CHEK2: variants seen among roughly 807,000 people sequenced by gnomAD.
The protein encoded by CHEK2 is serine/threonine-protein kinase Chk2.
In CHEK2, 71 loss-of-function variants were observed where a neutral mutation model predicts 69.1. The observed-to-expected ratio is 1.03, with a 90% CI of 0.85 to 1.25. The LOEUF (loss-of-function observed/expected upper bound fraction) is 1.25, where lower values mean the gene tolerates loss of function less well. Among genes scored for constraint, CHEK2 ranks in the 50% most tolerant of loss-of-function variants. The probability of loss-of-function intolerance (pLI) is 0.00; values close to 1 mark genes in which losing one functional copy is unlikely to be tolerated. For synonymous variants in CHEK2, 189 were observed against 226.9 expected (o/e 0.83, Z 1.50); for missense variants, 664 against 649.6 (o/e 1.02, Z -0.24).
chr22:28,725,080 G>C lies in CHEK2; in HGVS notation c.489C>G (p.His163Gln), dbSNP rs764907556. 6.2e-7 allele frequency: 1 copy of C among 1,614,038 alleles called. No homozygotes were observed. Among genetic ancestry groups the C allele is most frequent in the Non-Finnish European group, 8.5e-7 (1 of 1,179,972 alleles). ...TATTTACAAAGGTTCCATTGCCACTGTGATCTTCTATGTATGCAATGTAAG... is the reference window on the plus strand; with the variant it reads ...TATTTACAAAGGTTCCATTGCCACTCTGATCTTCTATGTATGCAATGTAAG... ...KNSYIAYIED[H>Q]SGNGTFVNTE... The change falls in exon 4 of 15, where the codon CAC (histidine) becomes CAG (glutamine). Residue 163 changes from histidine to glutamine, a missense_variant. Physicochemically the swap from His to Gln is conservative, Grantham distance 24. Transcript: ENST00000404276.
At chr22:28,704,117 GACAGACACAC>G (rs902925901) in intron 7 of CHEK2, among the ~76,000 whole-genome samples, 12 of 90,898 alleles carry the variant, frequency 1.3e-4, no homozygotes, top group South Asian at 4.5e-4. Flanking sequence ...GAGAGAGACA[GACAGACACAC>G]ACACACACAC....
rs766794072 is a variant in CHEK2 at position 28,699,890 on chromosome 22, A to G, written c.956T>C (p.Leu319Pro). ...LFDKVVGNKR[L>P]KEATCKLYFY... ...ATAGAGCTTGCAGGTAGCTTCTTTC[A>G]GGCGTTTATTCCCCACCACTTTGTC... is the stretch of plus-strand genomic sequence containing the variant. The change falls in exon 9 of 15, where the codon CTG becomes CCG. Residue 319 changes from leucine to proline, a missense_variant. Physicochemically the swap from Leu to Pro is moderately conservative, Grantham distance 98. Transcript: ENST00000404276. The G allele has an allele frequency of 6.2e-7, 1 of 1,614,122 alleles. No homozygotes were observed. Among genetic ancestry groups the G allele is most frequent in the South Asian group, 1.1e-5 (1 of 91,086 alleles).
rs766956065 is a variant in CHEK2, at chr22:28,703,467, G to A, written c.908+38C>T. 8 of 1,084,604 alleles carry A rather than the reference G, an allele frequency of 7.4e-6. No homozygotes were observed. The East Asian group carries it at 2.0e-4, about 27-fold the overall frequency. The allele number at this position is 1,084,604 out of a possible 1,614,324, so 67.2% of individuals were successfully genotyped here. On this transcript the variant is annotated intron_variant, in intron 8 of 14. Transcript: ENST00000404276. ...TCTTTGGTGGCTTTATAAAGCATTTGAATGGAAACAGAAATTTTTAAAAAG... is the reference window on the plus strand; with the variant it reads ...TCTTTGGTGGCTTTATAAAGCATTTAAATGGAAACAGAAATTTTTAAAAAG...
In CHEK2 at chr22:28,689,007, T is replaced by G. The variant is rs1277129790; in HGVS notation, c.1542+128A>C. The G allele has an allele frequency of 5.9e-6, 4 of 681,422 alleles. No homozygotes were observed. The African/African-American group carries it at 7.1e-5, about 12-fold the overall frequency. 42.2% of individuals were successfully genotyped at this position (681,422 alleles called of 1,614,324 possible). A position where few individuals can be genotyped will look rare whatever the true frequency, so the allele number is the denominator to read the frequency against. On this transcript the variant is annotated intron_variant, in intron 14 of 14. Transcript: ENST00000404276. ...TGGAGCGAATCAAGTTAAAACAGAGTTTCTACTACATTATAACTGAAACAA... is the reference window on the plus strand; with the variant it reads ...TGGAGCGAATCAAGTTAAAACAGAGGTTCTACTACATTATAACTGAAACAA...
chr22:28,716,534 C>T (rs1432728677), intron 5 of CHEK2, among the ~76,000 whole-genome samples: 3 of 152,040 alleles, frequency 2.0e-5, no homozygotes, highest in Non-Finnish European at 4.4e-5. Flanking sequence ...GGTTAGATTC[C>T]AAGCAACCAG....
At chr22:28,713,660 G>T (rs1378557809) in intron 5 of CHEK2, among the ~76,000 whole-genome samples, 2 of 148,520 alleles carry the variant, frequency 1.3e-5, no homozygotes, top group Non-Finnish European at 3.0e-5. Flanking sequence ...TCGGCCACAT[G>T]TACAAGTTTT....
chr22:28,726,521 C>A, intron 2 of CHEK2, among the ~76,000 whole-genome samples: 1 of 142,714 alleles, frequency 7.0e-6, no homozygotes, highest in East Asian at 2.0e-4. Context: ...CACAATATAA[C>A]ATATATTATA....
At chr22:28,698,813 A>T (rs952338836) in intron 9 of CHEK2, among the ~76,000 whole-genome samples, 1 of 152,070 alleles carries the variant, frequency 6.6e-6, no homozygotes, top group Non-Finnish European at 1.5e-5. Flanking sequence ...CTGAAGGGAA[A>T]CACCTAGTTC....
intron 4 of CHEK2, 26 bp from the exon 5 acceptor site, chr22:28,719,511 G>T: frequency 1.5e-6 from 2 of 1,362,896 alleles, no homozygotes; most frequent in Non-Finnish European, 2.1e-6. Flanking sequence ...GTAGAAATGG[G>T]TTTCATTAAT....
At chr22:28,726,274 G>A (rs1246455385) in intron 2 of CHEK2, 1 of 151,682 alleles carries the variant, frequency 6.6e-6, no homozygotes, top group African/African-American at 2.4e-5. Flanking sequence ...GAGGCTGAAG[G>A]AGGAGGATCA....
intron 6 of CHEK2, among the ~76,000 whole-genome samples, chr22:28,710,633 CT>C (rs2053359653): frequency 2.0e-5 from 3 of 152,206 alleles, no homozygotes; most frequent in Non-Finnish European, 2.9e-5. Flanking sequence ...CTTCAGGGTA[CT>C]AAAGTTGTTC....
At chr22:28,739,712 C>A (rs1189657190) in intron 1 of CHEK2, among the ~76,000 whole-genome samples, 1 of 151,820 alleles carries the variant, frequency 6.6e-6, no homozygotes, top group Non-Finnish European at 1.5e-5. Context: ...AACAAAAAAA[C>A]CCACAATGAG....
At chr22:28,732,903 T>C in intron 2 of CHEK2, among the ~76,000 whole-genome samples, 1 of 152,130 alleles carries the variant, frequency 6.6e-6, no homozygotes, top group African/African-American at 2.4e-5. Flanking sequence ...GCAATTCTCA[T>C]GTCTCATCCT....
intron 2 of CHEK2, among the ~76,000 whole-genome samples, chr22:28,733,684 C>T (rs1231066065): frequency 6.6e-6 from 1 of 152,006 alleles, no homozygotes; most frequent in South Asian, 2.1e-4. Flanking sequence ...TTTGGGAGGC[C>T]GAAGCAGGAG....
chr22:28,712,004 C>T lies in CHEK2; in HGVS notation c.697G>A (p.Glu233Lys), dbSNP rs753972711. Residue 233 changes from glutamate (E) to lysine (K), a missense_variant, in exon 6 of 15, where the codon GAG becomes AAG. Glu to Lys is a moderately conservative substitution (Grantham distance 56). Coordinates refer to ENST00000404276, the MANE Select transcript of CHEK2 (RefSeq NM_007194.4). ...TTCCTCTCGAAAGCCAGCTTTACCT[C>T]TCCACAGGCACCACTAGAGGGAAAA... ...SKTLGSGACG[E>K]VKLAFERKTC... 6.2e-7 allele frequency: 1 copy of T among 1,612,010 alleles called. No individual in the cohort carries two copies. The highest frequency in any genetic ancestry group is 8.5e-7 in the Non-Finnish European group (1 of 1,179,018).
rs2054308865 is a variant in CHEK2 at position 28,734,392 on chromosome 22, A to C, written c.319+11T>G. 6.2e-7 allele frequency: 1 copy of C among 1,612,898 alleles called. No homozygotes were observed. The highest frequency in any genetic ancestry group is 8.5e-7 in the Non-Finnish European group (1 of 1,179,022). ...GAACAAAACGTGATACTATACAACA[A>C]AGGGTCTTACCAAGATTGGCAAATC... On this transcript the variant is annotated intron_variant, in intron 2 of 14. Coordinates refer to ENST00000404276, the MANE Select transcript of CHEK2 (RefSeq NM_007194.4).
intron 4 of CHEK2, among the ~76,000 whole-genome samples, chr22:28,722,692 A>T (rs1384169995): frequency 1.3e-5 from 2 of 152,132 alleles, no homozygotes; most frequent in Non-Finnish European, 2.9e-5. Flanking sequence ...CTTGCATGAA[A>T]ATCCCTTAGG....
intron 7 of CHEK2, among the ~76,000 whole-genome samples, chr22:28,704,157 CA>C (rs2053012923): frequency 1.3e-5 from 2 of 148,268 alleles, no homozygotes; most frequent in South Asian, 2.2e-4. Flanking sequence ...CACACACACA[CA>C]CACACCTATG....
intron 9 of CHEK2, 115 bp from the exon 10 acceptor site, chr22:28,697,102 C>G: frequency 1.4e-6 from 1 of 710,642 alleles, no homozygotes; most frequent in Admixed American, 2.0e-5. Flanking sequence ...GTGATACACA[C>G]AACCATATTC....
Sources: gnomAD v4.1 joint callset for allele counts (sites outside exome capture counted in the v4.1 genomes callset) on GRCh38, gnomAD v4.1.1 for gene constraint, MANE v1.5 for transcripts, NCBI Gene and HGNC (gene_info 2026-07-23, HGNC 2026-07-21) for gene names.